The following GABRB1 variants were observed in gnomAD, a reference collection of about 807,000 sequenced individuals.
GABRB1 encodes the protein gamma-aminobutyric acid type A receptor subunit beta1, also known as gamma-aminobutyric acid receptor subunit beta-1.
Under a neutral mutation model 51.6 loss-of-function variants are expected in GABRB1, and 17 were observed. The observed-to-expected ratio is 0.33, with a 90% CI of 0.23 to 0.49. GABRB1 has a LOEUF of 0.49. GABRB1 is among the 20% of genes least tolerant of loss of function. GABRB1 has a pLI of 0.99. For missense variants in GABRB1, 410 were observed against 600.6 expected, an observed-to-expected ratio of 0.68 and a Z score of 3.32; for synonymous variants, 247 against 218.9, an observed-to-expected ratio of 1.13 and a Z score of -1.14.
intron 5 of GABRB1, among the ~76,000 whole-genome samples, chr4:47,339,372 C>G (rs1345548860): frequency 1.3e-5 from 2 of 152,154 alleles, no homozygotes; most frequent in African/African-American, 4.8e-5. Context: ...TCAGTGCCAG[C>G]AAGAAACTCA....
intron 4 of GABRB1, among the ~76,000 whole-genome samples, chr4:47,237,710 G>T (rs887561739): frequency 1.3e-4 from 19 of 151,900 alleles, no homozygotes; most frequent in Admixed American, 1.2e-3. Flanking sequence ...GAACAAAGAA[G>T]ATAGATAGAT....
At chr4:47,179,990 G>A (rs778501038) in intron 4 of GABRB1, among the ~76,000 whole-genome samples, 6 of 152,176 alleles carry the variant, frequency 3.9e-5, no homozygotes, top group African/African-American at 1.2e-4. Context: ...AGAATTGCTT[G>A]AGCACATGAG....
intron 3 of GABRB1, among the ~76,000 whole-genome samples, chr4:47,088,045 T>C (rs1353969688): frequency 6.6e-6 from 1 of 152,208 alleles, no homozygotes; most frequent in Non-Finnish European, 1.5e-5. Context: ...TTTTAATTCT[T>C]ATTTATTATT....
At chr4:47,126,220 T>A (rs780756985) in intron 3 of GABRB1, among the ~76,000 whole-genome samples, 6 of 152,064 alleles carry the variant, frequency 3.9e-5, no homozygotes, top group Non-Finnish European at 7.4e-5. Context: ...CTCACATATA[T>A]GTAGAATGTA....
At chr4:47,195,905 T>C (rs1293254372) in intron 4 of GABRB1, among the ~76,000 whole-genome samples, 2 of 152,254 alleles carry the variant, frequency 1.3e-5, no homozygotes, top group Admixed American at 1.3e-4. Context: ...TCTGATGTCA[T>C]CCCTTCTCTG....
intron 4 of GABRB1, among the ~76,000 whole-genome samples, chr4:47,242,368 G>A (rs1213004320): frequency 2.6e-5 from 4 of 152,156 alleles, no homozygotes; most frequent in African/African-American, 9.7e-5. Flanking sequence ...TGTCTTTATA[G>A]CAGCATGATT....
chr4:47,150,124 T>C (rs1717359722), intron 3 of GABRB1, among the ~76,000 whole-genome samples: 1 of 151,530 alleles, frequency 6.6e-6, no homozygotes, highest in Non-Finnish European at 1.5e-5. Flanking sequence ...CATGGCATCG[T>C]ACAAAGAAAA....
At chr4:47,059,611 A>G (rs774878703) in intron 3 of GABRB1, among the ~76,000 whole-genome samples, 10 of 152,230 alleles carry the variant, frequency 6.6e-5, no homozygotes, top group Non-Finnish European at 1.3e-4. Context: ...TTCTTGCTGC[A>G]ACATTAAAGC....
chr4:47,408,015 C>G (rs575501153), intron 8 of GABRB1, among the ~76,000 whole-genome samples: 1 of 152,238 alleles, frequency 6.6e-6, no homozygotes, highest in South Asian at 2.1e-4. Context: ...TGGCTTAAAC[C>G]CAGAAGGCAA....
intron 4 of GABRB1, among the ~76,000 whole-genome samples, chr4:47,309,086 A>T (rs1724573453): frequency 2.0e-5 from 3 of 152,146 alleles, no homozygotes; most frequent in Admixed American, 6.5e-5. Flanking sequence ...TATGGTATAA[A>T]TTAAATGCAT....
intron 4 of GABRB1, among the ~76,000 whole-genome samples, chr4:47,300,289 C>T (rs893855218): frequency 2.0e-5 from 3 of 151,482 alleles, no homozygotes; most frequent in African/African-American, 7.3e-5. Flanking sequence ...AGTAAAAAAA[C>T]AAAGAAATTA....
chr4:47,066,629 C>A (rs997151897), intron 3 of GABRB1, among the ~76,000 whole-genome samples: 3 of 152,172 alleles, frequency 2.0e-5, no homozygotes, highest in Non-Finnish European at 4.4e-5. Context: ...GGAAATAACT[C>A]CTCATCCATC....
intron 3 of GABRB1, among the ~76,000 whole-genome samples, chr4:47,110,473 T>C (rs1715170910): frequency 1.3e-5 from 2 of 152,204 alleles, no homozygotes; most frequent in Admixed American, 1.3e-4. Flanking sequence ...TAAAGTTATA[T>C]TTGAATGTTT....
intron 4 of GABRB1, among the ~76,000 whole-genome samples, chr4:47,202,325 C>T (rs757646914): frequency 2.0e-5 from 3 of 152,114 alleles, no homozygotes; most frequent in Non-Finnish European, 4.4e-5. Flanking sequence ...TTTCCTGAGG[C>T]CTCCCCAGCC....
intron 3 of GABRB1, among the ~76,000 whole-genome samples, chr4:47,037,868 C>A (rs1725666428): frequency 1.3e-5 from 2 of 152,072 alleles, no homozygotes; most frequent in African/African-American, 4.8e-5. Context: ...ATACCTTACT[C>A]AGAAGTTACA....
chr4:47,137,014 G>C (rs780391166), intron 3 of GABRB1, among the ~76,000 whole-genome samples: 4 of 152,100 alleles, frequency 2.6e-5, no homozygotes, highest in Non-Finnish European at 5.9e-5. Context: ...AGGAGACTAG[G>C]ACTGACTTTG....
chr4:47,147,826 T>C (rs769272373), intron 3 of GABRB1, among the ~76,000 whole-genome samples: 2 of 151,996 alleles, frequency 1.3e-5, no homozygotes, highest in Non-Finnish European at 2.9e-5. Context: ...GGTGGCTGGA[T>C]AATAGAGTAA....
intron 3 of GABRB1, among the ~76,000 whole-genome samples, chr4:47,055,463 C>T (rs922772013): frequency 4.6e-5 from 7 of 152,118 alleles, no homozygotes; most frequent in Non-Finnish European, 7.4e-5. Flanking sequence ...AAGTGGTAAC[C>T]GAGCGGACAC....
At chr4:47,230,538 G>A (rs765875507) in intron 4 of GABRB1, among the ~76,000 whole-genome samples, 1 of 152,112 alleles carries the variant, frequency 6.6e-6, no homozygotes, top group Non-Finnish European at 1.5e-5. Flanking sequence ...CACAGTTTCA[G>A]TTCTGATCTA....
Sources: allele counts gnomAD v4.1 joint callset (sites outside exome capture counted in the v4.1 genomes callset), GRCh38; gene constraint gnomAD v4.1.1; transcripts MANE v1.5; gene names NCBI Gene and HGNC (gene_info 2026-07-23, HGNC 2026-07-21).